Variants in ADD1 observed in about 807,000 individuals in gnomAD.
The protein encoded by ADD1 is adducin 1.
Under a neutral mutation model 80.5 loss-of-function variants are expected in ADD1, and 24 were observed. That is an observed-to-expected ratio of 0.30 (90% CI 0.22 to 0.42). ADD1 has a LOEUF of 0.42. ADD1 is among the 10% of genes least tolerant of loss of function. The pLI is 1.00. For missense variants in ADD1, 948 were observed against 1,019.0 expected (o/e 0.93, Z 0.95); for synonymous variants, 373 against 393.8 (o/e 0.95, Z 0.63).
rs571259275 is a variant in ADD1 at position 2,886,172 on chromosome 4, C to G, written c.510+1506C>G. Among the ~76,000 whole-genome samples the G allele has an allele frequency of 5.9e-5, 9 of 152,354 alleles. No homozygotes were observed. In the South Asian group the frequency reaches 1.7e-3, roughly 28 times the overall value. On this transcript the variant is annotated intron_variant, in intron 4 of 15. Coordinates refer to ENST00000683351, the MANE Select transcript of ADD1 (RefSeq NM_001354761.2). ...ATACTTCCATCTCTCTTGAGGCAAG[C>G]AGTGTGTGCGCTGTTCACGTTGCTG... is the stretch of plus-strand genomic sequence containing the variant.
intron 1 of ADD1, among the ~76,000 whole-genome samples, chr4:2,848,078 G>A (rs1269310224): frequency 6.6e-6 from 1 of 152,086 alleles, no homozygotes; most frequent in Non-Finnish European, 1.5e-5. Flanking sequence ...AGTCAGGCTT[G>A]GTGGTGGATG....
At chr4:2,919,981 T>C (rs918751481) in intron 14 of ADD1, among the ~76,000 whole-genome samples, 1 of 152,252 alleles carries the variant, frequency 6.6e-6, no homozygotes, top group African/African-American at 2.4e-5. Context: ...CATTTAGTGC[T>C]ATAAATTTCC....
chr4:2,852,189 T>TCCTTTCTTTCTTTCCTTTC (rs371676635), intron 1 of ADD1, among the ~76,000 whole-genome samples: 3 of 50,754 alleles, frequency 5.9e-5, no homozygotes, highest in Non-Finnish European at 1.2e-4. Context: ...TTTCTTTCTT[T>TCCTTTCTTTCTTTCCTTTC]CTTTCTTTCC....
At chr4:2,899,802 T>A in intron 9 of ADD1, 1 of 346,100 alleles carries the variant, frequency 2.9e-6, no homozygotes, top group Non-Finnish European at 5.6e-6. Flanking sequence ...TAGGCTTTTG[T>A]CTTAACAGCA....
chr4:2,855,603 C>T (rs1207497987), intron 1 of ADD1, among the ~76,000 whole-genome samples: 5 of 151,538 alleles, frequency 3.3e-5, no homozygotes, highest in Non-Finnish European at 5.9e-5. Flanking sequence ...TCTCAAGTTA[C>T]ATGCTGCTGT....
chr4:2,845,213 C>T (rs1222797224), intron 1 of ADD1, among the ~76,000 whole-genome samples: 2 of 152,138 alleles, frequency 1.3e-5, no homozygotes, highest in Non-Finnish European at 2.9e-5. Flanking sequence ...GCTGGGACTA[C>T]AGGCGCGCGC....
intron 14 of ADD1, among the ~76,000 whole-genome samples, chr4:2,920,902 T>C (rs1263342): frequency 0.85 from 129,676 of 152,094 alleles, 55,900 homozygotes; most frequent in African/African-American, 0.96. Flanking sequence ...TTATTTTGCC[T>C]GTTAACTGAT....
rs369094679 is a variant in ADD1 at position 2,907,848 on chromosome 4, C to T, written c.1608+4C>T. 146 of 1,611,610 alleles carry T rather than the reference C, an allele frequency of 9.1e-5. No individual in the cohort carries two copies. Among genetic ancestry groups the T allele is most frequent in the East Asian group, 2.0e-4 (9 of 44,886 alleles). On this transcript the variant is annotated splice_donor_region_variant and intron_variant, in intron 11 of 15. Transcript: ENST00000683351. ...GGTCCAGGAGATGAGGAACAAGGTGCGTCCTGCGTCGGCACTCAGCGGGGG... is the reference window on the plus strand; with the variant it reads ...GGTCCAGGAGATGAGGAACAAGGTGTGTCCTGCGTCGGCACTCAGCGGGGG...
chr4:2,856,259 A>T (rs1251629430), intron 1 of ADD1, among the ~76,000 whole-genome samples: 1 of 152,196 alleles, frequency 6.6e-6, no homozygotes, highest in East Asian at 1.9e-4. Context: ...ATTTCTTTTC[A>T]GCATTTTGGA....
At chr4:2,899,150 T>TA (rs1345951566) in intron 8 of ADD1, 109 bp from the exon 9 acceptor site, 2 of 1,114,022 alleles carry the variant, frequency 1.8e-6, no homozygotes, top group South Asian at 3.2e-5. Flanking sequence ...TTTTTATTCT[T>TA]ACACTCTAGA....
intron 14 of ADD1, among the ~76,000 whole-genome samples, chr4:2,925,435 G>A (rs1431846677): frequency 1.3e-5 from 2 of 152,252 alleles, no homozygotes; most frequent in African/African-American, 4.8e-5. Flanking sequence ...TCCCCGAAAT[G>A]AGAAGTAGAC....
rs184957456 is a variant in ADD1, at chr4:2,904,545, A to G, written c.1162-219A>G. The stretch of plus-strand genomic sequence containing the variant: ...TGGATGGACTTTTGGGTTGTTTCCA[A>G]TTGTGGTTTACGAGGAGTAGGGTTG... On this transcript the variant is annotated intron_variant, in intron 9 of 15. Coordinates refer to ENST00000683351, the MANE Select transcript of ADD1 (RefSeq NM_001354761.2). The G allele has an allele frequency of 8.8e-4, 516 of 585,900 alleles. 2 individuals carry two copies. The highest frequency in any genetic ancestry group is 4.9e-3 in the Middle Eastern group (11 of 2,226). 36.3% of individuals were successfully genotyped at this position (585,900 alleles called of 1,614,324 possible). A position where few individuals can be genotyped will look rare whatever the true frequency, so the allele number is the denominator to read the frequency against.
At chr4:2,885,560 T>C (rs2108953236) in intron 4 of ADD1, among the ~76,000 whole-genome samples, 1 of 151,886 alleles carries the variant, frequency 6.6e-6, no homozygotes, top group South Asian at 2.1e-4. Context: ...TGTCTTGCCT[T>C]CTGCCTGTGG....
At chr4:2,911,893 G>C (rs937559382) in intron 13 of ADD1, among the ~76,000 whole-genome samples, 1 of 152,220 alleles carries the variant, frequency 6.6e-6, no homozygotes, top group Non-Finnish European at 1.5e-5. Context: ...ACCTCACCAG[G>C]GGCTGTGTTC....
chr4:2,916,204 TTATTA>T lies in ADD1; in HGVS notation c.1948+1166_1948+1170del, dbSNP rs1242504244. On this transcript the variant is annotated intron_variant, in intron 14 of 15. Coordinates refer to ENST00000683351, the MANE Select transcript of ADD1 (RefSeq NM_001354761.2). The stretch of plus-strand genomic sequence containing the variant: ...ATTATTATTATTATTATTATTATTA[TTATTA>T]TTTTTGAGATGAAGTCTTGCTCTGT... Among the ~76,000 whole-genome samples the T allele has an allele frequency of 9.1e-4, 118 of 129,598 alleles. 1 individual carries two copies. Among genetic ancestry groups the T allele is most frequent in the African/African-American group, 3.1e-3 (110 of 35,978 alleles). 85.0% of individuals were successfully genotyped at this position (129,598 alleles called of 152,430 possible). A position where few individuals can be genotyped will look rare whatever the true frequency, so the allele number is the denominator to read the frequency against.
chr4:2,898,384 G>C (rs1310516959), intron 7 of ADD1, 49 bp from the exon 8 acceptor site: 15 of 1,613,984 alleles, frequency 9.3e-6, no homozygotes, highest in Non-Finnish European at 1.3e-5. Flanking sequence ...ATAAAGCAAA[G>C]GACCAGTCTT....
At chr4:2,851,608 C>G (rs1003857233) in intron 1 of ADD1, among the ~76,000 whole-genome samples, 5 of 152,160 alleles carry the variant, frequency 3.3e-5, no homozygotes, top group African/African-American at 1.2e-4. Context: ...ACCATGCTTT[C>G]TAAGATTTTC....
At chr4:2,870,971 CTTT>C (rs34690642) in intron 1 of ADD1, among the ~76,000 whole-genome samples, 7 of 139,690 alleles carry the variant, frequency 5.0e-5, no homozygotes, top group Non-Finnish European at 6.3e-5. Flanking sequence ...CATTTTCTTT[CTTT>C]TTTTTTTTTT....
At chr4:2,846,892 C>T (rs897993526) in intron 1 of ADD1, among the ~76,000 whole-genome samples, 6 of 149,504 alleles carry the variant, frequency 4.0e-5, no homozygotes, top group South Asian at 2.1e-4. Context: ...CCGAGGCGGG[C>T]GGATCATGAG....
Sources: allele counts gnomAD v4.1 joint callset (sites outside exome capture counted in the v4.1 genomes callset), GRCh38; gene constraint gnomAD v4.1.1; transcripts MANE v1.5; gene names NCBI Gene and HGNC (gene_info 2026-07-23, HGNC 2026-07-21).